Variants in SYDE2 observed in about 807,000 individuals in gnomAD.
The protein encoded by SYDE2 is synapse defective Rho GTPase homolog 2.
In SYDE2, 76 loss-of-function variants were observed where a neutral mutation model predicts 91.5. The ratio of observed to expected loss-of-function variants is 0.83; its 90% CI spans 0.69 to 1.01. The LOEUF (loss-of-function observed/expected upper bound fraction) is 1.01. SYDE2 is among the 50% of genes least tolerant of loss of function. The pLI is 0.00. For missense variants in SYDE2, 1,364 were observed against 1,367.7 expected (o/e 1.00, Z 0.04); for synonymous variants, 513 against 506.4 (o/e 1.01, Z -0.18).
intron 1 of SYDE2, among the ~76,000 whole-genome samples, chr1:85,194,315 T>C (rs1357119776): frequency 6.6e-6 from 1 of 150,596 alleles, no homozygotes; most frequent in East Asian, 1.9e-4. Context: ...ATATATGAAA[T>C]ATGTTATTCA....
At chr1:85,181,826 C>T (rs942948539) in intron 3 of SYDE2, 25 of 272,778 alleles carry the variant, frequency 9.2e-5, no homozygotes, top group Non-Finnish European at 1.4e-4. Context: ...CCTTTTAATG[C>T]CATTTTGAAG....
downstream of SYDE2, among the ~76,000 whole-genome samples, chr1:85,154,857 C>G (rs1379237034): frequency 2.0e-5 from 3 of 150,562 alleles, no homozygotes; most frequent in Non-Finnish European, 4.4e-5. Flanking sequence ...AACTGCAGGC[C>G]CAATAAAAAT....
intron 3 of SYDE2, 123 bp from the exon 4 acceptor site, chr1:85,178,395 A>T (rs1428511781): frequency 4.8e-6 from 4 of 833,530 alleles, no homozygotes; most frequent in Non-Finnish European, 7.3e-6. Context: ...AAATACCTCA[A>T]ATATAGCTTT....
At chr1:85,197,458 G>C (rs1012870842) in intron 1 of SYDE2, among the ~76,000 whole-genome samples, 3 of 152,038 alleles carry the variant, frequency 2.0e-5, no homozygotes, top group East Asian at 3.9e-4. Context: ...ACAGAAAAAT[G>C]TGCTATAAAC....
intron 5 of SYDE2, among the ~76,000 whole-genome samples, chr1:85,165,348 C>T (rs565838033): frequency 6.6e-6 from 1 of 152,124 alleles, no homozygotes; most frequent in Admixed American, 6.6e-5. Flanking sequence ...TGGGAAAATG[C>T]GTCCATTACC....
chr1:85,153,717 G>T (rs1484134259), downstream of SYDE2: 3 of 151,980 alleles, frequency 2.0e-5, no homozygotes, highest in African/African-American at 7.3e-5. Context: ...TCATAACCAG[G>T]TATGGCCTTG....
In SYDE2 at chr1:85,160,180, A is replaced by G. The variant is rs1657009092; in HGVS notation, c.3086-931T>C. On this transcript the variant is annotated intron_variant, in intron 6 of 6. Coordinates refer to ENST00000341460, the MANE Select transcript of SYDE2 (RefSeq NM_032184.2). ...CCCCTTCCTATTTCCCTGCACTAAG[A>G]TAAAGCAACATAAATCAGTGATAAC... The G allele has an allele frequency of 5.1e-6, 5 of 984,828 alleles. No homozygotes were observed. The South Asian group carries it at 1.9e-4, about 37-fold the overall frequency. The allele number at this position is 984,828 out of a possible 1,614,324, so 61.0% of individuals were successfully genotyped here.
At chr1:85,194,855 C>G (rs1160836467) in intron 1 of SYDE2, 101 of 985,144 alleles carry the variant, frequency 1.0e-4, no homozygotes, top group Non-Finnish European at 1.2e-4. Flanking sequence ...TATATTTCAA[C>G]CCTCATTGAA....
rs908565480 is a variant in SYDE2 at position 85,157,628 on chromosome 1, T to G, written c.*1122A>C. ...AAAAGATGACTTTTCCCAGGGGACATTGTGACTTTCTGTGAATAAAGGAAA... is the reference window on the plus strand; with the variant it reads ...AAAAGATGACTTTTCCCAGGGGACAGTGTGACTTTCTGTGAATAAAGGAAA... On this transcript the variant is annotated 3_prime_UTR_variant, in exon 7 of 7. Transcript: ENST00000341460. The G allele has an allele frequency of 6.6e-6, 1 of 152,188 alleles. No homozygotes were observed. The highest frequency in any genetic ancestry group is 1.5e-5 in the Non-Finnish European group (1 of 68,010). The allele number at this position is 152,188 out of a possible 1,614,324, so 9.4% of individuals were successfully genotyped here.
Position 85,200,606 on chromosome 1 carries a change from C to G in SYDE2, c.391G>C (p.Gly131Arg), listed in dbSNP as rs745342532. Reference protein sequence around the residue: ...PRGGRMDGWSGDRARAAAPTG... With the variant: ...PRGGRMDGWSRDRARAAAPTG... ...GGTGCAGCCGCCCGGGCGCGGTCCC[C>G]ACTCCAGCCGTCCATCCTGCCTCCA... Residue 131 changes from glycine (G) to arginine (R), a missense_variant, in exon 1 of 7, where the codon GGG becomes CGG. Gly to Arg is a moderately radical substitution (Grantham distance 125). Transcript: ENST00000341460. 1 of 1,560,778 alleles carries G rather than the reference C, an allele frequency of 6.4e-7. No homozygotes were observed. The highest frequency in any genetic ancestry group is 1.1e-5 in the South Asian group (1 of 87,120).
rs200140878 is a variant in SYDE2, at chr1:85,182,596, C to T, written c.2046G>A (p.Met682Ile). Residue 682 changes from methionine to isoleucine, a missense_variant, in exon 3 of 7, where the codon ATG becomes ATA. Coordinates refer to ENST00000341460, the MANE Select transcript of SYDE2 (RefSeq NM_032184.2). Reference sequence around the variant, plus strand: ...CCTCAGCACCATAGAAATGTACACTCATGAGCCCAGATATGTACTGTGAAC... The same window carrying T: ...CCTCAGCACCATAGAAATGTACACTTATGAGCCCAGATATGTACTGTGAAC... ...PKCSQYISGLMSVHFYGAEDL... is the reference protein window; with the variant it reads ...PKCSQYISGLISVHFYGAEDL... 6.8e-6 allele frequency: 11 copies of T among 1,613,786 alleles called. No homozygotes were observed. The highest frequency in any genetic ancestry group is 1.3e-5 in the African/African-American group (1 of 74,936).
In SYDE2 at chr1:85,190,319, G is replaced by A. The variant is rs1658316507; in HGVS notation, c.1179C>T (p.Asp393=). Residue 393 remains aspartate, a synonymous_variant, in exon 2 of 7, where the codon GAC becomes GAT. Coordinates refer to ENST00000341460, the MANE Select transcript of SYDE2 (RefSeq NM_032184.2). The part of the protein sequence containing the change: ...ISSALSFGEA[D]SAVLKLPAVN... Reference sequence around the variant, plus strand: ...CAGCAGGGAGCTTCAGAACAGCAGAGTCGGCCTCACCAAAACTCAAGGCAC... The same window carrying A: ...CAGCAGGGAGCTTCAGAACAGCAGAATCGGCCTCACCAAAACTCAAGGCAC... 1 of 1,613,960 alleles carries A rather than the reference G, an allele frequency of 6.2e-7. No homozygotes were observed. The highest frequency in any genetic ancestry group is 8.5e-7 in the Non-Finnish European group (1 of 1,179,890).
At position 85,164,317 on chromosome 1, in the gene SYDE2, T is replaced by A. The variant is rs562239201; in HGVS notation, c.3085+209A>T. ...TCTAGATCTGACCAAGTCTAACATG[T>A]GCACATTAATCTACATGCCTACAAT... On this transcript the variant is annotated intron_variant, in intron 6 of 6. Transcript: ENST00000341460. Among the ~76,000 whole-genome samples the A allele has an allele frequency of 4.5e-4, 69 of 152,326 alleles. 1 individual carries two copies. The East Asian group carries it at 0.013, about 29-fold the overall frequency.
intron 2 of SYDE2, among the ~76,000 whole-genome samples, chr1:85,188,309 A>G (rs1282427185): frequency 6.6e-6 from 1 of 152,220 alleles, no homozygotes; most frequent in Non-Finnish European, 1.5e-5. Context: ...AAATGCACAA[A>G]GAAAAAAATT....
At chr1:85,180,080 C>T (rs1657853651) in intron 3 of SYDE2, among the ~76,000 whole-genome samples, 1 of 152,098 alleles carries the variant, frequency 6.6e-6, no homozygotes. Context: ...GAAAGACAGA[C>T]CATAAGTATG....
chr1:85,194,937 G>C (rs1168790080), intron 1 of SYDE2: 8 of 488,672 alleles, frequency 1.6e-5, no homozygotes, highest in Admixed American at 6.4e-5. Flanking sequence ...AAGGCGGGCG[G>C]ATCACGAGGT....
intron 1 of SYDE2, among the ~76,000 whole-genome samples, chr1:85,193,128 C>T (rs769630510): frequency 6.4e-4 from 98 of 152,322 alleles, no homozygotes; most frequent in Middle Eastern, 3.4e-3. Flanking sequence ...AAAAGTCTTT[C>T]TCTGGTTCTA....
chr1:85,189,453 T>A (rs1658274943), intron 2 of SYDE2, among the ~76,000 whole-genome samples: 1 of 152,236 alleles, frequency 6.6e-6, no homozygotes, highest in Non-Finnish European at 1.5e-5. Context: ...TTACTTTTTC[T>A]TCAACTCCCT....
chr1:85,196,661 T>G (rs998056685), intron 1 of SYDE2, among the ~76,000 whole-genome samples: 9 of 149,878 alleles, frequency 6.0e-5, no homozygotes, highest in Middle Eastern at 3.3e-3. Flanking sequence ...GCAGAATCTC[T>G]CAGGAAGAGA....
Sources: allele counts gnomAD v4.1 joint callset (sites outside exome capture counted in the v4.1 genomes callset), GRCh38; gene constraint gnomAD v4.1.1; transcripts MANE v1.5; gene names NCBI Gene and HGNC (gene_info 2026-07-23, HGNC 2026-07-21).